WASHC3: variants seen among roughly 807,000 people sequenced by gnomAD.
WASHC3 encodes WASH complex subunit CCDC53.
A neutral mutation model predicts 26.1 loss-of-function variants in WASHC3; 24 were observed. That is an observed-to-expected ratio of 0.92 (90% CI 0.66 to 1.29). The LOEUF (loss-of-function observed/expected upper bound fraction) is 1.29, where lower values mean the gene tolerates loss of function less well. Among genes scored for constraint, WASHC3 ranks in the 50% most tolerant of loss-of-function variants. WASHC3 has a pLI of 0.00. For missense variants in WASHC3, 214 were observed against 229.6 expected (o/e 0.93, Z 0.44); for synonymous variants, 77 against 75.7 (o/e 1.02, Z -0.09).
chr12:102,056,525 T>G (rs2136692135), intron 2 of WASHC3, among the ~76,000 whole-genome samples: 1 of 152,214 alleles, frequency 6.6e-6, no homozygotes, highest in East Asian at 1.9e-4. Flanking sequence ...ATTATGCATT[T>G]GTCCAATCTC....
At chr12:102,058,542 A>C (rs1878680162) in intron 2 of WASHC3, among the ~76,000 whole-genome samples, 1 of 152,128 alleles carries the variant, frequency 6.6e-6, no homozygotes, top group African/African-American at 2.4e-5. Flanking sequence ...GAACCTATGG[A>C]ATGGGAGACT....
At chr12:102,026,387 T>G (rs1877189077) in intron 5 of WASHC3, among the ~76,000 whole-genome samples, 1 of 152,172 alleles carries the variant, frequency 6.6e-6, no homozygotes, top group Admixed American at 6.5e-5. Context: ...AGCCATACAA[T>G]GAATAGTTAA....
chr12:102,030,031 C>T (rs1369678277), intron 5 of WASHC3, among the ~76,000 whole-genome samples: 2 of 152,128 alleles, frequency 1.3e-5, no homozygotes, highest in Non-Finnish European at 2.9e-5. Context: ...CGCAGTGGTT[C>T]ATGCCTGTAA....
intron 5 of WASHC3, among the ~76,000 whole-genome samples, chr12:102,038,735 G>A (rs1194920559): frequency 1.3e-5 from 2 of 151,812 alleles, no homozygotes; most frequent in Admixed American, 1.3e-4. Context: ...CTGAGCTCTA[G>A]GCTTCAGAAA....
intron 5 of WASHC3, among the ~76,000 whole-genome samples, chr12:102,032,692 G>A (rs193028247): frequency 1.3e-5 from 2 of 152,132 alleles, no homozygotes; most frequent in East Asian, 3.9e-4. Context: ...AAATCTAAAA[G>A]GAACTTCAGA....
At chr12:102,031,754 A>G (rs992619732) in intron 5 of WASHC3, among the ~76,000 whole-genome samples, 18 of 152,290 alleles carry the variant, frequency 1.2e-4, no homozygotes, top group African/African-American at 3.6e-4. Context: ...CTTAGGTATT[A>G]TAAAAGAAAT....
intron 2 of WASHC3, among the ~76,000 whole-genome samples, chr12:102,057,965 C>CA (rs1878659640): frequency 6.6e-6 from 1 of 151,624 alleles, no homozygotes; most frequent in Non-Finnish European, 1.5e-5. Context: ...AATATTAAGC[C>CA]AAAAAAACAA....
intron 5 of WASHC3, among the ~76,000 whole-genome samples, chr12:102,038,721 T>C (rs547245039): frequency 6.6e-6 from 1 of 152,230 alleles, no homozygotes; most frequent in African/African-American, 2.4e-5. Context: ...TGACCGCCAA[T>C]ATCCTGAGCT....
At chr12:102,039,235 C>CA (rs1877829675) in intron 5 of WASHC3, among the ~76,000 whole-genome samples, 1 of 151,084 alleles carries the variant, frequency 6.6e-6, no homozygotes, top group Non-Finnish European at 1.5e-5. Flanking sequence ...CTCAGCCTCC[C>CA]AAAGTGCTAG....
intron 5 of WASHC3, among the ~76,000 whole-genome samples, chr12:102,036,677 C>G (rs1877677896): frequency 2.0e-5 from 3 of 152,122 alleles, no homozygotes; most frequent in Admixed American, 2.0e-4. Context: ...AAAAGAAGGT[C>G]AAGTCCATGT....
At chr12:102,050,580 T>G in intron 2 of WASHC3, 1 of 453,504 alleles carries the variant, frequency 2.2e-6, no homozygotes, top group Middle Eastern at 4.4e-4. Context: ...GAAGTTGAGG[T>G]TGCCCTGAGC....
In WASHC3 at chr12:102,061,351, G is replaced by T. The variant is rs1369744915; in HGVS notation, c.52-5C>A. The T allele has an allele frequency of 6.2e-7, 1 of 1,602,794 alleles. No individual in the cohort carries two copies. Among genetic ancestry groups the T allele is most frequent in the Non-Finnish European group, 8.5e-7 (1 of 1,169,892 alleles). On this transcript the variant is annotated splice_region_variant and splice_polypyrimidine_tract_variant and intron_variant, in intron 1 of 6. Coordinates refer to ENST00000240079, the MANE Select transcript of WASHC3 (RefSeq NM_016053.4). Reference sequence around the variant, plus strand: ...TTTCTGTTGAATAGCTGGCACCTGTGTTACGTAAAAACAAACATGGTTCAT... The same window carrying T: ...TTTCTGTTGAATAGCTGGCACCTGTTTTACGTAAAAACAAACATGGTTCAT...
At chr12:102,057,924 T>C (rs972902400) in intron 2 of WASHC3, among the ~76,000 whole-genome samples, 16 of 151,884 alleles carry the variant, frequency 1.1e-4, no homozygotes, top group African/African-American at 3.9e-4. Context: ...AAATTCATAC[T>C]GAACCACAAA....
At chr12:102,055,951 A>G (rs1878577087) in intron 2 of WASHC3, among the ~76,000 whole-genome samples, 1 of 152,192 alleles carries the variant, frequency 6.6e-6, no homozygotes, top group Non-Finnish European at 1.5e-5. Flanking sequence ...GCAAGTACTT[A>G]ATCTTCGTTC....
At chr12:102,047,858 T>C (rs1352749478) in intron 2 of WASHC3, among the ~76,000 whole-genome samples, 6 of 152,212 alleles carry the variant, frequency 3.9e-5, no homozygotes, top group Admixed American at 2.6e-4. Flanking sequence ...ACAGTGTATA[T>C]GCAACATATC....
rs747379866 is a variant in WASHC3, at chr12:102,039,948, C to T, written c.355G>A (p.Glu119Lys). 55 of 1,599,646 alleles carry T rather than the reference C, an allele frequency of 3.4e-5. No homozygotes were observed. The highest frequency in any genetic ancestry group is 4.6e-5 in the Non-Finnish European group (54 of 1,167,382). ...QNSTQDSGLQ[E>K]SEVSAENILT... is the part of the protein sequence containing the mutation. ...ATATTTTCTGCTGATACTTCACTTT[C>T]CTGTAGTCCAGAGTCTTGTGTACTG... Residue 119 changes from glutamate (E) to lysine (K), a missense_variant, in exon 5 of 7, where the codon GAA becomes AAA. By Grantham distance (56) the Glu-to-Lys change is moderately conservative. Coordinates refer to ENST00000240079, the MANE Select transcript of WASHC3 (RefSeq NM_016053.4).
rs1241399457 is a variant in WASHC3 at position 102,024,364 on chromosome 12, A to G, written c.500+1610T>C. Among the ~76,000 whole-genome samples the G allele has an allele frequency of 1.3e-5, 2 of 152,350 alleles. 1 individual carries two copies. Among genetic ancestry groups the G allele is most frequent in the South Asian group, 4.1e-4 (2 of 4,832 alleles). Reference sequence around the variant, plus strand: ...ACAGGAAAACCAATCAGTAGCTACTATAGTAATTCAGATTACAAACGATGA... The same window carrying G: ...ACAGGAAAACCAATCAGTAGCTACTGTAGTAATTCAGATTACAAACGATGA... On this transcript the variant is annotated intron_variant, in intron 6 of 6. Transcript: ENST00000240079.
intron 3 of WASHC3, among the ~76,000 whole-genome samples, chr12:102,045,800 A>G (rs192678655): frequency 1.3e-5 from 2 of 152,388 alleles, no homozygotes; most frequent in East Asian, 1.9e-4. Flanking sequence ...CAGCTTGTTA[A>G]CATGTTACTC....
chr12:102,018,778 AT>A (rs34895413), intron 6 of WASHC3, among the ~76,000 whole-genome samples: 1 of 151,632 alleles, frequency 6.6e-6, no homozygotes, highest in East Asian at 1.9e-4. Context: ...CTCCTCATTC[AT>A]TTTATTATTT....
Sources: gnomAD v4.1 joint callset for allele counts (sites outside exome capture counted in the v4.1 genomes callset) on GRCh38, gnomAD v4.1.1 for gene constraint, MANE v1.5 for transcripts, NCBI Gene and HGNC (gene_info 2026-07-23, HGNC 2026-07-21) for gene names.